The following ALK variants were observed in gnomAD, a reference collection of about 807,000 sequenced individuals.
ALK encodes ALK tyrosine kinase receptor.
In ALK, 74 loss-of-function variants were observed where a neutral mutation model predicts 163.1. That is an observed-to-expected ratio of 0.45 (90% CI 0.38 to 0.55). The LOEUF is 0.55. Ranked by LOEUF, ALK falls within the 20% of genes least tolerant of loss-of-function variation. The pLI is 0.00. For synonymous variants in ALK, 960 were observed against 843.2 expected (o/e 1.14, Z -2.40); for missense variants, 2,063 against 2,105.3 (o/e 0.98, Z 0.39).
intron 3 of ALK, among the ~76,000 whole-genome samples, chr2:29,664,983 A>T (rs1235011991): frequency 2.0e-5 from 3 of 147,490 alleles, no homozygotes; most frequent in Non-Finnish European, 4.5e-5. Flanking sequence ...GGTAAAATAC[A>T]TCCTTTTTTT....
chr2:29,843,431 A>C (rs185459895), intron 1 of ALK, among the ~76,000 whole-genome samples: 6 of 152,274 alleles, frequency 3.9e-5, no homozygotes, highest in Admixed American at 3.9e-4. Flanking sequence ...GAAGAAAAGA[A>C]GGAAGGAGGA....
At chr2:29,579,269 G>C (rs781051415) in intron 3 of ALK, among the ~76,000 whole-genome samples, 1 of 152,162 alleles carries the variant, frequency 6.6e-6, no homozygotes, top group Non-Finnish European at 1.5e-5. Flanking sequence ...CCTAAGTTCC[G>C]TTCCAGCTTT....
At chr2:29,876,623 T>C (rs1329134237) in intron 1 of ALK, among the ~76,000 whole-genome samples, 1 of 136,710 alleles carries the variant, frequency 7.3e-6, no homozygotes, top group African/African-American at 2.9e-5. Flanking sequence ...ATGCTGATGG[T>C]GGTGATGGCG....
chr2:29,549,254 G>A (rs4666247), intron 3 of ALK, among the ~76,000 whole-genome samples: 143,521 of 152,242 alleles, frequency 0.94, 67,953 homozygotes, highest in Non-Finnish European at 0.99. Context: ...GTTTTAAAAA[G>A]ATTGAAAGCC....
intron 4 of ALK, among the ~76,000 whole-genome samples, chr2:29,527,157 A>G (rs1303808011): frequency 6.6e-6 from 1 of 152,182 alleles, no homozygotes; most frequent in Non-Finnish European, 1.5e-5. Context: ...GTTGTCCATA[A>G]CCATGCTGCA....
At chr2:29,254,616 C>A (rs1299339628) in intron 11 of ALK, among the ~76,000 whole-genome samples, 1 of 152,140 alleles carries the variant, frequency 6.6e-6, no homozygotes. Context: ...ATTGTACAAC[C>A]TCTCTAAGCC....
intron 1 of ALK, among the ~76,000 whole-genome samples, chr2:29,905,635 G>GGAGA (rs1353431695): frequency 1.3e-5 from 2 of 150,972 alleles, no homozygotes. Flanking sequence ...AGGAAGGGAG[G>GGAGA]GAGAGAGGGA....
In ALK at chr2:29,513,148, A is replaced by G. The variant is rs535981684; in HGVS notation, c.1154+18767T>C. 1.3e-4 allele frequency among the ~76,000 whole-genome samples: 19 copies of G among 150,684 alleles called. No individual in the cohort carries two copies. In the East Asian group the frequency reaches 2.9e-3, roughly 23 times the overall value. On this transcript the variant is annotated intron_variant, in intron 4 of 28. Coordinates refer to ENST00000389048, the MANE Select transcript of ALK (RefSeq NM_004304.5). ...TTTCTTCACATAATTGGAAAAAACT[A>G]CTTTAAAGTTCATACGGAACCAAAA... is the stretch of plus-strand genomic sequence containing the variant.
intron 1 of ALK, among the ~76,000 whole-genome samples, chr2:29,869,823 GAACA>G (rs1426058675): frequency 4.6e-5 from 7 of 151,942 alleles, no homozygotes; most frequent in Admixed American, 1.3e-4. Flanking sequence ...TATAAGCAAA[GAACA>G]AATACCAAAA....
intron 1 of ALK, among the ~76,000 whole-genome samples, chr2:29,729,714 G>T (rs1199554264): frequency 4.6e-5 from 7 of 152,200 alleles, no homozygotes; most frequent in Non-Finnish European, 1.0e-4. Flanking sequence ...GAGCTGGCAA[G>T]TGTGAAGGAA....
chr2:29,703,676 G>T (rs1678814093), intron 2 of ALK, among the ~76,000 whole-genome samples: 2 of 152,302 alleles, frequency 1.3e-5, no homozygotes, highest in South Asian at 4.2e-4. Flanking sequence ...TCTGAAGGAG[G>T]TGATGGCACA....
intron 27 of ALK, among the ~76,000 whole-genome samples, chr2:29,197,231 T>TA (rs1384704849): frequency 1.3e-5 from 2 of 152,122 alleles, no homozygotes; most frequent in Non-Finnish European, 2.9e-5. Context: ...GACACAGACA[T>TA]ACGGTGTAGG....
At chr2:29,297,263 G>T (rs1297362387) in intron 8 of ALK, among the ~76,000 whole-genome samples, 1 of 152,168 alleles carries the variant, frequency 6.6e-6, no homozygotes, top group Non-Finnish European at 1.5e-5. Flanking sequence ...GAACGAATCT[G>T]TTAATTTTTT....
chr2:29,575,428 C>G (rs893275219), intron 3 of ALK, among the ~76,000 whole-genome samples: 1 of 152,110 alleles, frequency 6.6e-6, no homozygotes, highest in African/African-American at 2.4e-5. Flanking sequence ...CTTCCTACCC[C>G]CACTGCAACC....
At position 29,403,197 on chromosome 2, in the gene ALK, C is replaced by A. The variant is rs1327193997; in HGVS notation, c.1155-19338G>T. Among the ~76,000 whole-genome samples, 5 of 152,298 alleles carry A rather than the reference C, an allele frequency of 3.3e-5. No individual in the cohort carries two copies. The East Asian group carries it at 9.6e-4, about 29-fold the overall frequency. On this transcript the variant is annotated intron_variant, in intron 4 of 28. Coordinates refer to ENST00000389048, the MANE Select transcript of ALK (RefSeq NM_004304.5). ...CAAATGTTAAATTCTGTTTCTGCCA[C>A]CCTCTCAGTCACGCATCAAAAACAC...
chr2:29,757,398 C>A (rs899932394), intron 1 of ALK, among the ~76,000 whole-genome samples: 1 of 152,122 alleles, frequency 6.6e-6, no homozygotes, highest in Non-Finnish European at 1.5e-5. Flanking sequence ...ATATGAGTGG[C>A]GGAGCTGAGA....
At chr2:29,779,259 G>A (rs1211558705) in intron 1 of ALK, among the ~76,000 whole-genome samples, 7 of 152,174 alleles carry the variant, frequency 4.6e-5, no homozygotes, top group African/African-American at 1.4e-4. Flanking sequence ...TGGTGTATCA[G>A]ACAGCCCTAT....
At chr2:29,569,392 C>T (rs1020633005) in intron 3 of ALK, among the ~76,000 whole-genome samples, 1 of 152,130 alleles carries the variant, frequency 6.6e-6, no homozygotes, top group Non-Finnish European at 1.5e-5. Context: ...CATCTGTATC[C>T]CTAATAATGC....
intron 1 of ALK, among the ~76,000 whole-genome samples, chr2:29,909,480 C>CAGACAGAGAGAG (rs1553378791): frequency 7.4e-6 from 1 of 135,890 alleles, no homozygotes; most frequent in African/African-American, 2.7e-5. Context: ...GACAGACAGA[C>CAGACAGAGAGAG]AGAGAGAGAG....
Sources: allele counts gnomAD v4.1 joint callset (sites outside exome capture counted in the v4.1 genomes callset), GRCh38; gene constraint gnomAD v4.1.1; transcripts MANE v1.5; gene names NCBI Gene and HGNC (gene_info 2026-07-23, HGNC 2026-07-21).